The following GALK2 variants were observed in gnomAD, a reference collection of about 807,000 sequenced individuals.
GALK2 encodes N-acetylgalactosamine kinase.
Under a neutral mutation model 52.4 loss-of-function variants are expected in GALK2, and 36 were observed. The observed-to-expected ratio is 0.69, with a 90% CI of 0.53 to 0.91. The LOEUF is 0.91. Ranked by LOEUF, GALK2 falls within the 40% of genes least tolerant of loss-of-function variation. GALK2 has a pLI of 0.00. For synonymous variants in GALK2, 176 were observed against 199.1 expected (o/e 0.88, Z 0.98); for missense variants, 579 against 559.1 (o/e 1.04, Z -0.36).
At chr15:49,229,147 C>T (rs557765900) in intron 3 of GALK2, among the ~76,000 whole-genome samples, 1 of 152,260 alleles carries the variant, frequency 6.6e-6, no homozygotes, top group Non-Finnish European at 1.5e-5. Flanking sequence ...CAAAGATGTA[C>T]CTATGATATT....
intron 3 of GALK2, among the ~76,000 whole-genome samples, chr15:49,220,554 T>A (rs893302365): frequency 2.0e-5 from 3 of 152,214 alleles, no homozygotes; most frequent in Non-Finnish European, 2.9e-5. Flanking sequence ...GGAGTGCAGG[T>A]ATCCCCTTGA....
intron 1 of GALK2, among the ~76,000 whole-genome samples, chr15:49,198,665 G>C (rs1003440204): frequency 1.3e-5 from 2 of 151,858 alleles, no homozygotes; most frequent in African/African-American, 4.8e-5. Context: ...TGCCTATTTA[G>C]TAATCAATGA....
At chr15:49,218,918 C>CA (rs2089590539) in intron 3 of GALK2, among the ~76,000 whole-genome samples, 1 of 152,114 alleles carries the variant, frequency 6.6e-6, no homozygotes, top group Non-Finnish European at 1.5e-5. Flanking sequence ...CTCTGCCTCC[C>CA]AGGTTCAAGA....
chr15:49,354,499 A>C (rs1347568566), intron 3 of GALK2, among the ~76,000 whole-genome samples: 1 of 152,198 alleles, frequency 6.6e-6, no homozygotes, highest in Non-Finnish European at 1.5e-5. Context: ...GGCACCTGGA[A>C]AATCGTGTCA....
upstream of GALK2, among the ~76,000 whole-genome samples, chr15:49,166,685 G>C (rs2141159410): frequency 6.6e-6 from 1 of 152,256 alleles, no homozygotes; most frequent in African/African-American, 2.4e-5. Flanking sequence ...ACTCCAGCCT[G>C]GGCAACAAGA....
intron 1 of GALK2, among the ~76,000 whole-genome samples, chr15:49,172,212 G>A (rs1203668574): frequency 6.6e-6 from 1 of 152,108 alleles, no homozygotes; most frequent in Non-Finnish European, 1.5e-5. Flanking sequence ...ACAAGTATAG[G>A]TACATGTACT....
At position 49,319,648 on chromosome 15, in the gene GALK2, G is replaced by A. The variant is rs148552843; in HGVS notation, c.1012G>A (p.Glu338Lys). The A allele has an allele frequency of 1.6e-4, 260 of 1,614,118 alleles. 1 individual carries two copies. The highest frequency in any genetic ancestry group is 2.0e-4 in the Non-Finnish European group (241 of 1,180,024). The change falls in exon 9 of 10, where the codon GAG becomes AAG. Residue 338 changes from glutamate to lysine, a missense_variant. Glu to Lys is a moderately conservative substitution (Grantham distance 56). Coordinates refer to ENST00000560031, the MANE Select transcript of GALK2 (RefSeq NM_002044.4). ...TCAGCGGGCAAAGCATGTGTACAGC[G>A]AGGCTGCGCGAGTGCTCCAGTTTAA... ...LYQRAKHVYS[E>K]AARVLQFKKI... is the part of the protein sequence containing the mutation.
At chr15:49,353,899 G>C (rs1596427869) in intron 3 of GALK2, 1 of 152,086 alleles carries the variant, frequency 6.6e-6, no homozygotes, top group Non-Finnish European at 1.5e-5. Context: ...AAATACAATT[G>C]ATAGTTACTT....
At position 49,164,368 on chromosome 15, in the gene GALK2, G is replaced by A. The variant is rs117572187; in HGVS notation, c.20+8352G>A. Among the ~76,000 whole-genome samples, 175 of 151,706 alleles carry A rather than the reference G, an allele frequency of 1.2e-3. 2 individuals carry two copies. The East Asian group carries it at 0.03, about 26-fold the overall frequency. The stretch of plus-strand genomic sequence containing the variant: ...TCCAAAAAAAAAAAAAATTGCTTAA[G>A]ATAATAACCACAATCAGCTCCTCAT... On this transcript the variant is annotated intron_variant, in intron 1 of 9. Transcript: ENST00000327171.
chr15:49,322,366 T>C (rs2036946021), intron 9 of GALK2, among the ~76,000 whole-genome samples: 1 of 152,236 alleles, frequency 6.6e-6, no homozygotes, highest in South Asian at 2.1e-4. Context: ...GTTTTCCATA[T>C]TGAAAGATTA....
rs867198746 is a variant in GALK2, at chr15:49,356,069, T to C, written c.427-11422T>C. 2.1e-3 allele frequency among the ~76,000 whole-genome samples: 310 copies of C among 145,056 alleles called. No individual in the cohort carries two copies. The Middle Eastern group carries it at 0.025, about 12-fold the overall frequency. ...AGATTTTCTCACCAACAGGCCTGCC[T>C]TACAAGAGCTCCTGAAGGAAGCACT... On this transcript the variant is annotated intron_variant, in intron 3 of 3. Coordinates refer to the GALK2 transcript ENST00000558399.
chr15:49,336,147 A>C (rs993325493), downstream of GALK2, among the ~76,000 whole-genome samples: 1 of 152,214 alleles, frequency 6.6e-6, no homozygotes, highest in East Asian at 1.9e-4. Flanking sequence ...AGACTCTTTA[A>C]TTCTAAGAGG....
chr15:49,315,307 A>G lies in GALK2; in HGVS notation c.968-4297A>G, dbSNP rs147584386. 1.9e-3 allele frequency among the ~76,000 whole-genome samples: 284 copies of G among 152,366 alleles called. 2 individuals are homozygous for G. Among genetic ancestry groups the G allele is most frequent in the African/African-American group, 6.3e-3 (263 of 41,604 alleles). ...GGAAGTAATCATGCATGCAATGAACATAGTAAGAAACAGCTTCTTTCATCC... is the reference window on the plus strand; with the variant it reads ...GGAAGTAATCATGCATGCAATGAACGTAGTAAGAAACAGCTTCTTTCATCC... On this transcript the variant is annotated intron_variant, in intron 8 of 9. Coordinates refer to ENST00000560031, the MANE Select transcript of GALK2 (RefSeq NM_002044.4).
At chr15:49,352,600 A>C (rs1159326904) in intron 3 of GALK2, among the ~76,000 whole-genome samples, 5 of 152,186 alleles carry the variant, frequency 3.3e-5, no homozygotes, top group African/African-American at 4.8e-5. Flanking sequence ...TGTGTTATGC[A>C]TAATTTTTTT....
intron 8 of GALK2, among the ~76,000 whole-genome samples, chr15:49,306,824 C>T (rs1345084594): frequency 6.6e-6 from 1 of 152,118 alleles, no homozygotes; most frequent in East Asian, 1.9e-4. Context: ...AAAGTAATTC[C>T]CTCAAGAGAG....
chr15:49,203,175 C>T (rs916513950), intron 2 of GALK2, among the ~76,000 whole-genome samples: 3 of 152,088 alleles, frequency 2.0e-5, no homozygotes, highest in Admixed American at 6.6e-5. Context: ...CTCGGCCTCC[C>T]GAGTAGCTGG....
chr15:49,316,487 GATAGCATTAGGAGAT>G (rs746168707), intron 8 of GALK2, among the ~76,000 whole-genome samples: 2 of 149,506 alleles, frequency 1.3e-5, no homozygotes, highest in Non-Finnish European at 2.9e-5. Flanking sequence ...AGGGGGGAGG[GATAGCATTAGGAGAT>G]ATACCTAATG....
At chr15:49,340,046 G>T (rs968366838) in intron 3 of GALK2, among the ~76,000 whole-genome samples, 6 of 152,156 alleles carry the variant, frequency 3.9e-5, no homozygotes, top group South Asian at 2.1e-4. Context: ...ATCTTAACTT[G>T]CTGGGCTCAG....
chr15:49,195,817 G>A (rs1247087487), intron 1 of GALK2, among the ~76,000 whole-genome samples: 1 of 149,410 alleles, frequency 6.7e-6, no homozygotes, highest in Non-Finnish European at 1.5e-5. Flanking sequence ...AAAGAGAGGG[G>A]CTTTTTTTTT....
Sources: gnomAD v4.1 joint callset for allele counts (sites outside exome capture counted in the v4.1 genomes callset) on GRCh38, gnomAD v4.1.1 for gene constraint, MANE v1.5 for transcripts, NCBI Gene and HGNC (gene_info 2026-07-23, HGNC 2026-07-21) for gene names.